The following MTMR2 variants were observed in gnomAD, a reference collection of about 807,000 sequenced individuals.
MTMR2 encodes the protein phosphatidylinositol-3,5-bisphosphate 3-phosphatase MTMR2.
Under a neutral mutation model 86.9 loss-of-function variants are expected in MTMR2, and 55 were observed. The observed-to-expected ratio is 0.63, with a 90% CI of 0.51 to 0.79. The LOEUF is 0.79. MTMR2 is among the 30% of genes least tolerant of loss of function. The probability of loss-of-function intolerance (pLI) is 0.00; values close to 1 mark genes in which losing one functional copy is unlikely to be tolerated. For missense variants in MTMR2, 659 were observed against 772.3 expected (o/e 0.85, Z 1.74); for synonymous variants, 241 against 266.8 (o/e 0.90, Z 0.94).
chr11:95,856,739 C>T (rs987584048), intron 7 of MTMR2, among the ~76,000 whole-genome samples: 1 of 152,064 alleles, frequency 6.6e-6, no homozygotes, highest in Middle Eastern at 3.2e-3. Flanking sequence ...TCTTTAGACA[C>T]CTGCTTTCCA....
chr11:95,897,679 G>A (rs143751592), intron 1 of MTMR2, among the ~76,000 whole-genome samples: 378 of 152,184 alleles, frequency 2.5e-3, no homozygotes, highest in East Asian at 4.4e-3. Flanking sequence ...GCTAAGTAGT[G>A]ATTCTATTTC....
At chr11:95,918,843 CT>C (rs1866805652) in intron 1 of MTMR2, among the ~76,000 whole-genome samples, 1 of 151,982 alleles carries the variant, frequency 6.6e-6, no homozygotes, top group African/African-American at 2.4e-5. Context: ...CAACATATCA[CT>C]TTTTTTTCTT....
At chr11:95,901,386 T>G (rs1174316075) in intron 1 of MTMR2, among the ~76,000 whole-genome samples, 1 of 152,182 alleles carries the variant, frequency 6.6e-6, no homozygotes, top group African/African-American at 2.4e-5. Flanking sequence ...TTTTTAAAAC[T>G]GTCCCTTTCA....
At position 95,841,289 on chromosome 11, in the gene MTMR2, G is replaced by A. The variant is rs867263289; in HGVS notation, c.1479+328C>T. Among the ~76,000 whole-genome samples, 6 of 151,660 alleles carry A rather than the reference G, an allele frequency of 4.0e-5. No individual in the cohort carries two copies. The South Asian group carries it at 6.2e-4, about 16-fold the overall frequency. On this transcript the variant is annotated intron_variant, in intron 12 of 14. Transcript: ENST00000346299. ...ACTTAAAATATTTTATTTTGCTTGC[G>A]GTACCTAGCTTATTTTTTCTCCACT... is the stretch of plus-strand genomic sequence containing the variant.
chr11:95,852,516 T>A (rs1702838622), intron 7 of MTMR2, among the ~76,000 whole-genome samples: 2 of 152,198 alleles, frequency 1.3e-5, no homozygotes, highest in African/African-American at 4.8e-5. Flanking sequence ...CTAACTGTTC[T>A]TTCATTACTA....
chr11:95,851,548 G>A, intron 7 of MTMR2, among the ~76,000 whole-genome samples: 1 of 151,974 alleles, frequency 6.6e-6, no homozygotes. Flanking sequence ...TTTTAGTAGA[G>A]ACAAGGTTTC....
At chr11:95,906,304 C>G (rs1031884913) in intron 1 of MTMR2, among the ~76,000 whole-genome samples, 3 of 151,904 alleles carry the variant, frequency 2.0e-5, no homozygotes, top group Admixed American at 6.6e-5. Context: ...ATTATTATAC[C>G]CATTATAAAA....
chr11:95,850,862 A>C, intron 7 of MTMR2, 113 bp from the exon 8 acceptor site: 1 of 994,616 alleles, frequency 1.0e-6, no homozygotes, highest in Non-Finnish European at 1.6e-6. Flanking sequence ...CATCTCCTAA[A>C]GTGTTGGGAT....
intron 1 of MTMR2, among the ~76,000 whole-genome samples, chr11:95,899,632 T>G (rs1865999073): frequency 1.0e-5 from 1 of 95,364 alleles, no homozygotes; most frequent in Admixed American, 9.3e-5. Context: ...GCTATAAGAA[T>G]GGTTAAAAAA....
At chr11:95,902,062 A>C (rs992731158) in intron 1 of MTMR2, among the ~76,000 whole-genome samples, 3 of 152,124 alleles carry the variant, frequency 2.0e-5, no homozygotes, top group Non-Finnish European at 2.9e-5. Context: ...ATCTCATAGA[A>C]TCTTACTGTT....
At chr11:95,893,192 A>G (rs2135560855) in intron 1 of MTMR2, among the ~76,000 whole-genome samples, 1 of 152,262 alleles carries the variant, frequency 6.6e-6, no homozygotes, top group African/African-American at 2.4e-5. Context: ...ATCCATAAAG[A>G]TAAACTGTCA....
chr11:95,840,262 CCA>C (rs1863488455), intron 12 of MTMR2: 1 of 152,114 alleles, frequency 6.6e-6, no homozygotes, highest in Non-Finnish European at 1.5e-5. Context: ...ATCAACAATA[CCA>C]CAGTTTCAAA....
At chr11:95,836,072 C>A in intron 14 of MTMR2, 76 bp downstream of exon 14, 1 of 1,384,666 alleles carries the variant, frequency 7.2e-7, no homozygotes, top group South Asian at 1.2e-5. Flanking sequence ...CACAGATAAT[C>A]TTTCCAGCTG....
Position 95,883,112 on chromosome 11 carries a change from C to T in MTMR2, c.186+5044G>A, listed in dbSNP as rs1482739474. Among the ~76,000 whole-genome samples, 7 of 151,864 alleles carry T rather than the reference C, an allele frequency of 4.6e-5. No individual in the cohort carries two copies. The East Asian group carries it at 1.2e-3, about 25-fold the overall frequency. On this transcript the variant is annotated intron_variant, in intron 2 of 14. Coordinates refer to ENST00000346299, the MANE Select transcript of MTMR2 (RefSeq NM_016156.6). Reference sequence around the variant, plus strand: ...ACAAACATTGGTATAAAACAACAGGCTTCACAAAGGAAAGGAACTACTACA... The same window carrying T: ...ACAAACATTGGTATAAAACAACAGGTTTCACAAAGGAAAGGAACTACTACA...
Position 95,918,023 on chromosome 11 carries a change from C to T in MTMR2, c.80+5852G>A, listed in dbSNP as rs554957548. Among the ~76,000 whole-genome samples the T allele has an allele frequency of 8.5e-5, 13 of 152,284 alleles. No homozygotes were observed. In the South Asian group the frequency reaches 2.7e-3, roughly 32 times the overall value. On this transcript the variant is annotated intron_variant, in intron 1 of 14. Transcript: ENST00000346299. ...AAAGAAAAATGCCTTAGGAAATTTC[C>T]TAGAAATCAAATCTAATAAATCGAC...
chr11:95,881,139 T>C (rs948223554), intron 2 of MTMR2, among the ~76,000 whole-genome samples: 4 of 151,568 alleles, frequency 2.6e-5, no homozygotes, highest in African/African-American at 7.3e-5. Flanking sequence ...TTTTTTTTTT[T>C]AAACATGGCC....
Position 95,924,027 on chromosome 11 carries a change from G to A in MTMR2, c.-73C>T. ...TACAGGGCGGGAGAAGCGGAGGGCG[G>A]AGTGCTACGGACCGGGGCCGCAGTC... is the stretch of plus-strand genomic sequence containing the variant. On this transcript the variant is annotated 5_prime_UTR_variant, in exon 1 of 15. Coordinates refer to ENST00000346299, the MANE Select transcript of MTMR2 (RefSeq NM_016156.6). 2 of 1,531,334 alleles carry A rather than the reference G, an allele frequency of 1.3e-6. No homozygotes were observed. Among genetic ancestry groups the A allele is most frequent in the Non-Finnish European group, 1.8e-6 (2 of 1,130,604 alleles). 94.9% of individuals were successfully genotyped at this position (1,531,334 alleles called of 1,614,324 possible). A position where few individuals can be genotyped will look rare whatever the true frequency, so the allele number is the denominator to read the frequency against.
chr11:95,874,771 C>T (rs921781674), intron 2 of MTMR2, among the ~76,000 whole-genome samples: 8 of 152,048 alleles, frequency 5.3e-5, no homozygotes, highest in South Asian at 2.1e-4. Flanking sequence ...CCTTCAGGAG[C>T]GCTTGTAGGG....
chr11:95,919,360 T>G (rs761274161), intron 1 of MTMR2, among the ~76,000 whole-genome samples: 1 of 152,186 alleles, frequency 6.6e-6, no homozygotes, highest in Non-Finnish European at 1.5e-5. Flanking sequence ...ACTTTGAGTA[T>G]GTGTACCCCC....
Sources: gnomAD v4.1 joint callset for allele counts (sites outside exome capture counted in the v4.1 genomes callset) on GRCh38, gnomAD v4.1.1 for gene constraint, MANE v1.5 for transcripts, NCBI Gene and HGNC (gene_info 2026-07-23, HGNC 2026-07-21) for gene names.